FREM1: variants seen among roughly 807,000 people sequenced by gnomAD.
FREM1 encodes the protein FRAS1-related extracellular matrix protein 1.
Under a neutral mutation model 210.1 loss-of-function variants are expected in FREM1, and 220 were observed. The observed-to-expected ratio is 1.05, with a 90% CI of 0.94 to 1.17. The LOEUF is 1.17. Ranked by LOEUF, FREM1 falls within the 50% of genes most tolerant of loss-of-function variation. The pLI, the probability that FREM1 is intolerant of heterozygous loss-of-function variation, is 0.00. For synonymous variants in FREM1, 1,189 were observed against 980.2 expected (o/e 1.21, Z -3.98); for missense variants, 3,454 against 2,675.5 (o/e 1.29, Z -6.42).
intron 22 of FREM1, among the ~76,000 whole-genome samples, chr9:14,792,009 T>G (rs1005385771): frequency 2.0e-5 from 3 of 152,002 alleles, no homozygotes; most frequent in African/African-American, 7.3e-5. Context: ...CACACCCGGC[T>G]AATTTTTGCA....
intron 1 of FREM1, among the ~76,000 whole-genome samples, chr9:14,870,920 C>T (rs1013162658): frequency 4.0e-5 from 6 of 150,264 alleles, no homozygotes; most frequent in African/African-American, 9.8e-5. Context: ...TTTTTTGTTC[C>T]TGCGATAGTT....
intron 1 of FREM1, among the ~76,000 whole-genome samples, chr9:14,883,431 T>C (rs113933287): frequency 1.3e-5 from 2 of 152,346 alleles, no homozygotes; most frequent in African/African-American, 4.8e-5. Context: ...TGTATTTTTC[T>C]CTTGGTGTTG....
At chr9:14,768,471 A>C (rs1379396432) in intron 27 of FREM1, among the ~76,000 whole-genome samples, 1 of 152,086 alleles carries the variant, frequency 6.6e-6, no homozygotes, top group African/African-American at 2.4e-5. Flanking sequence ...TATGTTTTAC[A>C]TTTTGTAATC....
chr9:14,807,926 A>T lies in FREM1; in HGVS notation c.3088+14T>A, dbSNP rs773892418. On this transcript the variant is annotated intron_variant, in intron 17 of 36. Coordinates refer to ENST00000380880, the MANE Select transcript of FREM1 (RefSeq NM_001379081.2). The stretch of plus-strand genomic sequence containing the variant: ...GTCAGACAATAGTACTGGAACAAAA[A>T]AACACATTGTCACCTATTGCAATGG... The T allele has an allele frequency of 6.3e-7, 1 of 1,599,230 alleles. No individual in the cohort carries two copies. Among genetic ancestry groups the T allele is most frequent in the South Asian group, 1.1e-5 (1 of 90,258 alleles).
chr9:14,881,992 G>C (rs1834876208), intron 1 of FREM1, among the ~76,000 whole-genome samples: 1 of 152,164 alleles, frequency 6.6e-6, no homozygotes, highest in Non-Finnish European at 1.5e-5. Context: ...CTGTGAGCTA[G>C]AAGGACCCTG....
intron 36 of FREM1, 21 bp from the exon 37 acceptor site, chr9:14,737,616 G>T: frequency 6.8e-7 from 1 of 1,479,224 alleles, no homozygotes; most frequent in East Asian, 2.4e-5. Flanking sequence ...CCAAAAGAAT[G>T]TACCAATTAC....
At chr9:14,821,279 T>A (rs1382729044) in intron 13 of FREM1, among the ~76,000 whole-genome samples, 1 of 152,064 alleles carries the variant, frequency 6.6e-6, no homozygotes, top group African/African-American at 2.4e-5. Flanking sequence ...CCATATACTG[T>A]AAAAAGTAAA....
At chr9:14,793,881 G>A (rs990747252) in intron 21 of FREM1, among the ~76,000 whole-genome samples, 6 of 152,236 alleles carry the variant, frequency 3.9e-5, no homozygotes, top group Middle Eastern at 3.4e-3. Flanking sequence ...ATCTTCCCTC[G>A]CAGTGGGTGG....
intron 3 of FREM1, among the ~76,000 whole-genome samples, chr9:14,861,657 C>A (rs555856350): frequency 1.7e-4 from 26 of 151,916 alleles, no homozygotes; most frequent in Middle Eastern, 3.4e-3. Flanking sequence ...CAGGTGCCTG[C>A]CACCACTCCC....
At chr9:14,895,169 C>G (rs1030848092) in intron 1 of FREM1, among the ~76,000 whole-genome samples, 1 of 152,162 alleles carries the variant, frequency 6.6e-6, no homozygotes, top group Non-Finnish European at 1.5e-5. Context: ...TTTGAGATTC[C>G]TTACGGAACA....
At chr9:14,748,361 G>A (rs1216125385) in intron 31 of FREM1, 40 bp downstream of exon 31, 2 of 1,096,456 alleles carry the variant, frequency 1.8e-6, no homozygotes, top group Non-Finnish European at 1.4e-6. Flanking sequence ...CTTTTAATAT[G>A]TATTTTGCAC....
At chr9:14,824,708 G>A in intron 11 of FREM1, 88 bp downstream of exon 11, 2 of 895,670 alleles carry the variant, frequency 2.2e-6, no homozygotes, top group South Asian at 3.1e-5. Context: ...GTAAACCACA[G>A]TACTATATAT....
chr9:14,759,402 C>T (rs183129824), intron 28 of FREM1, among the ~76,000 whole-genome samples: 23 of 149,432 alleles, frequency 1.5e-4, no homozygotes, highest in Non-Finnish European at 3.0e-4. Context: ...CCCAGCTACT[C>T]GGGAGCCTGA....
At chr9:14,844,545 G>A (rs1001885482) in intron 8 of FREM1, among the ~76,000 whole-genome samples, 3 of 152,236 alleles carry the variant, frequency 2.0e-5, no homozygotes, top group Admixed American at 2.0e-4. Flanking sequence ...AATTCTTAAT[G>A]GCAGGTGCAC....
intron 13 of FREM1, among the ~76,000 whole-genome samples, chr9:14,821,753 G>A (rs1821358041): frequency 6.6e-6 from 1 of 152,206 alleles, no homozygotes; most frequent in African/African-American, 2.4e-5. Flanking sequence ...GGGCTTAGAT[G>A]GTCTGGAGAG....
chr9:14,761,440 A>G (rs967030731), intron 27 of FREM1, among the ~76,000 whole-genome samples: 1 of 152,154 alleles, frequency 6.6e-6, no homozygotes. Flanking sequence ...TTTAAACAAG[A>G]AAAGAGGATC....
chr9:14,797,691 C>A, intron 20 of FREM1, 49 bp from the exon 21 acceptor site: 7 of 1,481,794 alleles, frequency 4.7e-6, no homozygotes, highest in Non-Finnish European at 6.5e-6. Flanking sequence ...ATTGAACCAT[C>A]ATGACATATG....
In FREM1 at chr9:14,757,180, G is replaced by C. The variant is rs181190844; in HGVS notation, c.5335-734C>G. Among the ~76,000 whole-genome samples, 13 of 152,268 alleles carry C rather than the reference G, an allele frequency of 8.5e-5. No homozygotes were observed. In the East Asian group the frequency reaches 2.3e-3, roughly 27 times the overall value. On this transcript the variant is annotated intron_variant, in intron 28 of 36. Coordinates refer to ENST00000380880, the MANE Select transcript of FREM1 (RefSeq NM_001379081.2). ...CCCTGCTTCTCAGCTCCAGCCCCAA[G>C]ACTAAAAACCAAAGAGGCGATTTTA... is the stretch of plus-strand genomic sequence containing the variant.
intron 1 of FREM1, among the ~76,000 whole-genome samples, chr9:14,907,163 T>A (rs1817867521): frequency 6.6e-6 from 1 of 152,164 alleles, no homozygotes; most frequent in Admixed American, 6.5e-5. Flanking sequence ...CTCCAGTCAA[T>A]AGTTTTCCAC....
Sources: gnomAD v4.1 joint callset for allele counts (sites outside exome capture counted in the v4.1 genomes callset) on GRCh38, gnomAD v4.1.1 for gene constraint, MANE v1.5 for transcripts, NCBI Gene and HGNC (gene_info 2026-07-23, HGNC 2026-07-21) for gene names.